The following TTLL3 variants were observed in gnomAD, a reference collection of about 807,000 sequenced individuals.
The protein encoded by TTLL3 is tubulin monoglycylase TTLL3.
Under a neutral mutation model 75.2 loss-of-function variants are expected in TTLL3, and 63 were observed. The observed-to-expected ratio is 0.84, with a 90% CI of 0.68 to 1.03. The LOEUF is 1.03. TTLL3 is among the 50% of genes least tolerant of loss of function. The probability of loss-of-function intolerance (pLI) is 0.00; values close to 1 mark genes in which losing one functional copy is unlikely to be tolerated. For missense variants in TTLL3, 997 were observed against 1,069.9 expected, an observed-to-expected ratio of 0.93 and a Z score of 0.95; for synonymous variants, 393 against 418.5, an observed-to-expected ratio of 0.94 and a Z score of 0.74.
At chr3:9,821,685 T>G (rs1274946120) in intron 8 of TTLL3, among the ~76,000 whole-genome samples, 1 of 152,198 alleles carries the variant, frequency 6.6e-6, no homozygotes, top group Non-Finnish European at 1.5e-5. Context: ...CTGGAAAATG[T>G]AAAGCTGCCC....
chr3:9,813,264 C>A lies in TTLL3; in HGVS notation c.234C>A (p.Asp78Glu), dbSNP rs748600926. The change falls in exon 4 of 14, where the codon GAC (aspartate) becomes GAA (glutamate). Residue 78 changes from aspartate (D) to glutamate (E), a missense_variant. Coordinates refer to ENST00000685419, the MANE Select transcript of TTLL3 (RefSeq NM_001387446.1). ...CATCCACAGAGGATGAAGATGAGGACGAGGAGTTCCAGCCATCACAGCTGT... is the reference window on the plus strand; with the variant it reads ...CATCCACAGAGGATGAAGATGAGGAAGAGGAGTTCCAGCCATCACAGCTGT... ...DTTEDEDEDE[D>E]EEFQPSQLFD... The A allele has an allele frequency of 1.2e-6, 2 of 1,614,174 alleles. No homozygotes were observed. Among genetic ancestry groups the A allele is most frequent in the Admixed American group, 3.3e-5 (2 of 60,022 alleles).
Position 9,829,286 on chromosome 3 carries a change from T to C in TTLL3, c.1574T>C (p.Val525Ala). ...ASPTMAPSTAVTARLCAGVQA... is the reference protein window; with the variant it reads ...ASPTMAPSTAATARLCAGVQA... ...CCCACGATGGCACCCTCCACAGCAG[T>C]CACTGCCCGGCTCTGTGCTGGCGTG... The change falls in exon 11 of 14, where the codon GTC becomes GCC. Residue 525 changes from valine (V) to alanine (A), a missense_variant. Coordinates refer to ENST00000685419, the MANE Select transcript of TTLL3 (RefSeq NM_001387446.1). 6.2e-7 allele frequency: 1 copy of C among 1,614,118 alleles called. No individual in the cohort carries two copies. The highest frequency in any genetic ancestry group is 8.5e-7 in the Non-Finnish European group (1 of 1,180,042).
At position 9,835,668 on chromosome 3, in the gene TTLL3, G is replaced by A. The variant is rs1422579255; in HGVS notation, c.*179G>A. 9 of 617,564 alleles carry A rather than the reference G, an allele frequency of 1.5e-5. No individual in the cohort carries two copies. The highest frequency in any genetic ancestry group is 9.3e-5 in the African/African-American group (5 of 53,700). 38.3% of individuals were successfully genotyped at this position (617,564 alleles called of 1,614,324 possible). On this transcript the variant is annotated 3_prime_UTR_variant, in exon 14 of 14. Coordinates refer to ENST00000685419, the MANE Select transcript of TTLL3 (RefSeq NM_001387446.1). ...GGAGGCATGGCTTACCCAAGATCAC[G>A]TGGCAGTGAGTCGACGCAGGGACAT...
At chr3:9,822,949 T>TA (rs890775217) in intron 8 of TTLL3, among the ~76,000 whole-genome samples, 1 of 149,354 alleles carries the variant, frequency 6.7e-6, no homozygotes, top group Non-Finnish European at 1.5e-5. Context: ...CTCAACTTTT[T>TA]AAAAAAAACA....
chr3:9,829,080 G>C lies in TTLL3; in HGVS notation c.1368G>C (p.Glu456Asp), dbSNP rs762452993. ...SSQRFQAHLQ[E>D]MGAPNAWSTI... Reference sequence around the variant, plus strand: ...AGAGGTTCCAGGCCCACCTGCAGGAGATGGGTGCCCCAAATGCTTGGTCCA... The same window carrying C: ...AGAGGTTCCAGGCCCACCTGCAGGACATGGGTGCCCCAAATGCTTGGTCCA... The change falls in exon 11 of 14, where the codon GAG (glutamate) becomes GAC (aspartate). Residue 456 changes from glutamate (E) to aspartate (D), a missense_variant. Physicochemically the swap from Glu to Asp is conservative, Grantham distance 45. Transcript: ENST00000685419. The C allele has an allele frequency of 8.7e-6, 14 of 1,614,146 alleles. No individual in the cohort carries two copies. Among genetic ancestry groups the C allele is most frequent in the Admixed American group, 3.3e-5 (2 of 60,012 alleles).
chr3:9,820,020 C>A, intron 7 of TTLL3: 1 of 988,402 alleles, frequency 1.0e-6, no homozygotes, highest in Non-Finnish European at 1.2e-6. Flanking sequence ...GGGTCAGTTT[C>A]TGTAATCACT....
rs374798950 is a variant in TTLL3, at chr3:9,834,683, C to T, written c.1828C>T (p.Arg610Cys). The T allele has an allele frequency of 1.6e-5, 26 of 1,614,002 alleles. No homozygotes were observed. Among genetic ancestry groups the T allele is most frequent in the African/African-American group, 1.1e-4 (8 of 74,918 alleles). Residue 610 changes from arginine to cysteine, a missense_variant and splice_region_variant, in exon 13 of 14, where the codon CGT (arginine) becomes TGT (cysteine). Coordinates refer to ENST00000685419, the MANE Select transcript of TTLL3 (RefSeq NM_001387446.1). Reference sequence around the variant, plus strand: ...CACAGCTTCTCTTGCTCCCACAGCCCGTCACCACTTCCCCAGCCTCCACAC... The same window carrying T: ...CACAGCTTCTCTTGCTCCCACAGCCTGTCACCACTTCCCCAGCCTCCACAC... ...LLTQRGSGEA[R>C]HHFPSLHTKA... is the part of the protein sequence containing the mutation.
intron 8 of TTLL3, among the ~76,000 whole-genome samples, chr3:9,822,331 T>G (rs975117083): frequency 6.6e-6 from 1 of 151,350 alleles, no homozygotes; most frequent in African/African-American, 2.4e-5. Context: ...CCTCCCAAAG[T>G]GCTGGGATTA....
rs1436791384 is a variant in TTLL3 at position 9,829,100 on chromosome 3, G to A, written c.1388G>A (p.Trp463Ter). 3 of 1,614,184 alleles carry A rather than the reference G, an allele frequency of 1.9e-6. No individual in the cohort carries two copies. Among genetic ancestry groups the A allele is most frequent in the African/African-American group, 1.3e-5 (1 of 75,042 alleles). Residue 463 changes from tryptophan to a stop codon, truncating the protein, a stop_gained, in exon 11 of 14, where the codon TGG (tryptophan) becomes TAG (stop). Coordinates refer to ENST00000685419, the MANE Select transcript of TTLL3 (RefSeq NM_001387446.1). LOFTEE classifies it high-confidence loss of function. ...CAGGAGATGGGTGCCCCAAATGCTT[G>A]GTCCACCATCATCGTGCCTGGCATG... is the stretch of plus-strand genomic sequence containing the variant. The part of the protein sequence containing the change: ...HLQEMGAPNA[W>*]STIIVPGMKD...
At chr3:9,824,462 G>T (rs900956123) in intron 8 of TTLL3, among the ~76,000 whole-genome samples, 4 of 152,226 alleles carry the variant, frequency 2.6e-5, no homozygotes, top group African/African-American at 9.6e-5. Context: ...CCACACTGGA[G>T]TGCAATGGCG....
intron 7 of TTLL3, chr3:9,819,463 C>A (rs1034577693): frequency 1.0e-6 from 1 of 989,552 alleles, no homozygotes; most frequent in East Asian, 1.1e-4. Flanking sequence ...CTGGAGAGGG[C>A]AGACTAAGAA....
intron 11 of TTLL3, among the ~76,000 whole-genome samples, chr3:9,830,213 C>G (rs1481470445): frequency 6.6e-6 from 1 of 152,124 alleles, no homozygotes; most frequent in Non-Finnish European, 1.5e-5. Context: ...TTATTATTAC[C>G]TAATAAGGTT....
intron 5 of TTLL3, among the ~76,000 whole-genome samples, chr3:9,816,523 C>CTTTTTT (rs71052206): frequency 9.6e-6 from 1 of 103,992 alleles, no homozygotes; most frequent in Non-Finnish European, 1.8e-5. Flanking sequence ...ACCTGGGTTT[C>CTTTTTT]TTTTTTTTTT....
chr3:9,816,635 C>T (rs1260674067), intron 5 of TTLL3, among the ~76,000 whole-genome samples: 1 of 149,760 alleles, frequency 6.7e-6, no homozygotes, highest in African/African-American at 2.5e-5. Context: ...CCTGCCTCAG[C>T]CTCCTGAGTA....
At chr3:9,825,993 C>T in intron 9 of TTLL3, 45 bp downstream of exon 9, 2 of 1,599,778 alleles carry the variant, frequency 1.3e-6, no homozygotes, top group Non-Finnish European at 1.7e-6. Flanking sequence ...TCACCACCTG[C>T]ATCTACCAGT....
intron 8 of TTLL3, among the ~76,000 whole-genome samples, chr3:9,823,140 T>C (rs1377326517): frequency 6.6e-6 from 1 of 151,598 alleles, no homozygotes; most frequent in Non-Finnish European, 1.5e-5. Flanking sequence ...TCCCAGCACT[T>C]TGGGAGGCCA....
At position 9,835,634 on chromosome 3, in the gene TTLL3, T is replaced by G; in HGVS notation, c.*145T>G. On this transcript the variant is annotated 3_prime_UTR_variant, in exon 14 of 14. Coordinates refer to ENST00000685419, the MANE Select transcript of TTLL3 (RefSeq NM_001387446.1). ...TCACTTTACAGATGAAGAAACTGAGTCTGAAAGAGGAGGCATGGCTTACCC... is the reference window on the plus strand; with the variant it reads ...TCACTTTACAGATGAAGAAACTGAGGCTGAAAGAGGAGGCATGGCTTACCC... 1 of 806,244 alleles carries G rather than the reference T, an allele frequency of 1.2e-6. No homozygotes were observed. Among genetic ancestry groups the G allele is most frequent in the Non-Finnish European group, 1.9e-6 (1 of 528,844 alleles). 49.9% of individuals were successfully genotyped at this position (806,244 alleles called of 1,614,324 possible). A position where few individuals can be genotyped will look rare whatever the true frequency, so the allele number is the denominator to read the frequency against.
chr3:9,835,162 G>T lies in TTLL3; in HGVS notation c.2121G>T (p.Ser707=), dbSNP rs767751592. ...CTTGTTGCCTCTGCCCTTTGAAGTC[G>T]GAACAATTCCTAGCACCTGTCGGAA... is the stretch of plus-strand genomic sequence containing the variant. ...EVPCCLCPLK[S]EQFLAPVGRS... Residue 707 remains serine, a synonymous_variant, in exon 14 of 14, where the codon TCG becomes TCT. Coordinates refer to ENST00000685419, the MANE Select transcript of TTLL3 (RefSeq NM_001387446.1). The T allele has an allele frequency of 3.7e-6, 6 of 1,614,182 alleles. No individual in the cohort carries two copies. Among genetic ancestry groups the T allele is most frequent in the Non-Finnish European group, 5.1e-6 (6 of 1,180,026 alleles).
intron 8 of TTLL3, among the ~76,000 whole-genome samples, chr3:9,823,338 C>G (rs1281105585): frequency 2.0e-5 from 3 of 150,586 alleles, no homozygotes; most frequent in Non-Finnish European, 3.0e-5. Flanking sequence ...GAGCCGAGAT[C>G]GCGCCACTGC....
Sources: allele counts gnomAD v4.1 joint callset (sites outside exome capture counted in the v4.1 genomes callset), GRCh38; gene constraint gnomAD v4.1.1; transcripts MANE v1.5; gene names NCBI Gene and HGNC (gene_info 2026-07-23, HGNC 2026-07-21).